The following FLRT1 variants were observed in gnomAD, a reference collection of about 807,000 sequenced individuals.
FLRT1 encodes fibronectin leucine rich transmembrane protein 1, also known as leucine-rich repeat transmembrane protein FLRT1.
FLRT1 carries 14 observed loss-of-function variants against 30.9 expected under a neutral mutation model. The observed-to-expected ratio is 0.45, with a 90% CI of 0.30 to 0.71. FLRT1 has a LOEUF of 0.71. Ranked by LOEUF, FLRT1 falls within the 30% of genes least tolerant of loss-of-function variation. The pLI, the probability that FLRT1 is intolerant of heterozygous loss-of-function variation, is 0.08. For missense variants in FLRT1, 737 were observed against 949.2 expected (o/e 0.78, Z 2.94); for synonymous variants, 368 against 430.4 (o/e 0.85, Z 1.80).
At chr11:64,105,028 A>T (rs943367781) in intron 2 of FLRT1, among the ~76,000 whole-genome samples, 17 of 152,372 alleles carry the variant, frequency 1.1e-4, no homozygotes, top group Non-Finnish European at 2.2e-4. Flanking sequence ...GGGTTGATTT[A>T]TGATTGCACC....
intron 1 of FLRT1, among the ~76,000 whole-genome samples, chr11:64,041,503 T>A (rs1256686018): frequency 6.7e-6 from 1 of 150,328 alleles, no homozygotes; most frequent in African/African-American, 2.4e-5. Context: ...CCGGGGCTGC[T>A]CTGGAGGGTG....
chr11:64,053,231 T>C (rs1299197507), intron 1 of FLRT1, among the ~76,000 whole-genome samples: 1 of 152,136 alleles, frequency 6.6e-6, no homozygotes, highest in Non-Finnish European at 1.5e-5. Context: ...CTCCCCTCTT[T>C]AGCTGCTAGG....
At chr11:64,091,926 T>C (rs1364069441) in intron 1 of FLRT1, among the ~76,000 whole-genome samples, 1 of 152,150 alleles carries the variant, frequency 6.6e-6, no homozygotes, top group Non-Finnish European at 1.5e-5. Flanking sequence ...GGCCTCTCTC[T>C]GGGGCTGCAG....
At chr11:64,045,092 T>G (rs1943558925) in intron 1 of FLRT1, among the ~76,000 whole-genome samples, 1 of 152,174 alleles carries the variant, frequency 6.6e-6, no homozygotes, top group Non-Finnish European at 1.5e-5. Context: ...GGGGGAGCAG[T>G]CCGGGTGCAT....
intron 1 of FLRT1, among the ~76,000 whole-genome samples, chr11:64,059,387 C>G (rs1192398022): frequency 6.6e-6 from 1 of 152,164 alleles, no homozygotes; most frequent in East Asian, 1.9e-4. Flanking sequence ...AGCAGGCTGC[C>G]CTGCTCCCTG....
At chr11:64,088,426 C>T (rs575334224) in intron 1 of FLRT1, among the ~76,000 whole-genome samples, 55 of 152,292 alleles carry the variant, frequency 3.6e-4, no homozygotes, top group African/African-American at 1.3e-3. Flanking sequence ...AGCATCCTCC[C>T]TGTGAGCCCT....
At chr11:64,081,400 G>A (rs926355167) in intron 1 of FLRT1, among the ~76,000 whole-genome samples, 2 of 152,148 alleles carry the variant, frequency 1.3e-5, no homozygotes, top group African/African-American at 2.4e-5. Context: ...GCTCAGGGAC[G>A]TTACAACAGC....
At chr11:64,107,408 G>T (rs1471816655) in intron 2 of FLRT1, among the ~76,000 whole-genome samples, 1 of 140,468 alleles carries the variant, frequency 7.1e-6, no homozygotes, top group Non-Finnish European at 1.5e-5. Context: ...AACTTCCTAA[G>T]ACACAATTCT....
rs1053259016 is a variant in FLRT1, at chr11:64,090,825, C to T, written c.-1037-12369C>T. 1.3e-5 allele frequency among the ~76,000 whole-genome samples: 2 copies of T among 152,014 alleles called. No individual in the cohort carries two copies. The highest frequency in any genetic ancestry group is 2.9e-5 in the Non-Finnish European group (2 of 68,004). On this transcript the variant is annotated intron_variant, in intron 1 of 2. Transcript: ENST00000682287. This position sits in a 1 kb window ranked among gnomAD's most constrained non-coding sequence, Gnocchi z 4.7. ...TCTCTGGGGCTCTGCAGAAGCAGAG[C>T]CCGAGTCGGGTCCAGCCCTGCACTC... is the stretch of plus-strand genomic sequence containing the variant.
chr11:64,061,236 T>C (rs550433568), intron 1 of FLRT1, among the ~76,000 whole-genome samples: 4 of 152,354 alleles, frequency 2.6e-5, no homozygotes, highest in African/African-American at 9.6e-5. Context: ...TTTGGAGTAA[T>C]CTGGCGATCA....
intron 1 of FLRT1, among the ~76,000 whole-genome samples, chr11:64,070,804 C>T (rs917053268): frequency 2.6e-5 from 4 of 152,132 alleles, no homozygotes; most frequent in Admixed American, 6.5e-5. Flanking sequence ...GGAGACGAGG[C>T]GTGAACAATA....
At chr11:64,085,466 G>C (rs1490361168) in intron 1 of FLRT1, among the ~76,000 whole-genome samples, 2 of 152,256 alleles carry the variant, frequency 1.3e-5, no homozygotes, top group Non-Finnish European at 2.9e-5. Context: ...GCCGGGACCA[G>C]GCCATGTGTC....
In FLRT1 at chr11:64,118,549, G is replaced by C; in HGVS notation, c.*257G>C. The C allele has an allele frequency of 4.6e-6, 2 of 432,466 alleles. No individual in the cohort carries two copies. Among genetic ancestry groups the C allele is most frequent in the South Asian group, 1.4e-4 (2 of 14,310 alleles). The allele number at this position is 432,466 out of a possible 1,614,324, so 26.8% of individuals were successfully genotyped here. On this transcript the variant is annotated 3_prime_UTR_variant, in exon 3 of 3. Coordinates refer to ENST00000682287, the MANE Select transcript of FLRT1 (RefSeq NM_013280.5). ...AATTTATACCAAGTTATGCCAGTTG[G>C]GGAGGGAAGGACTAAAAATAATATT...
chr11:64,094,494 A>G (rs1944542848), intron 1 of FLRT1, among the ~76,000 whole-genome samples: 1 of 151,948 alleles, frequency 6.6e-6, no homozygotes, highest in Admixed American at 6.5e-5. Context: ...GGGTCAGGGA[A>G]GCTTCCTGGA....
chr11:64,080,485 A>G (rs1302604293), intron 1 of FLRT1, among the ~76,000 whole-genome samples: 1 of 152,150 alleles, frequency 6.6e-6, no homozygotes, highest in Non-Finnish European at 1.5e-5. Flanking sequence ...TTCATCCCCT[A>G]AAAAGAAGCC....
chr11:64,098,199 C>G (rs565507356), intron 1 of FLRT1, among the ~76,000 whole-genome samples: 1 of 152,328 alleles, frequency 6.6e-6, no homozygotes, highest in Non-Finnish European at 1.5e-5. Flanking sequence ...GGCACCCTCA[C>G]AGCCTCCCCC....
chr11:64,045,914 C>G (rs942365182), intron 1 of FLRT1, among the ~76,000 whole-genome samples: 1 of 152,142 alleles, frequency 6.6e-6, no homozygotes, highest in Non-Finnish European at 1.5e-5. Flanking sequence ...TAGCGAGACC[C>G]CATCTCTTAA....
At chr11:64,055,786 A>G (rs1341427583) in intron 1 of FLRT1, among the ~76,000 whole-genome samples, 1 of 152,070 alleles carries the variant, frequency 6.6e-6, no homozygotes. Context: ...CCCCTTTCAT[A>G]CAGAGGATGC....
intron 1 of FLRT1, among the ~76,000 whole-genome samples, chr11:64,060,183 A>G (rs1943872308): frequency 6.6e-6 from 1 of 152,270 alleles, no homozygotes; most frequent in Non-Finnish European, 1.5e-5. Context: ...CGGTGCCAGC[A>G]TCTGCCCAGC....
Sources: allele counts gnomAD v4.1 joint callset (sites outside exome capture counted in the v4.1 genomes callset), GRCh38; gene constraint gnomAD v4.1.1; non-coding constraint Gnocchi (gnomAD v3.1); transcripts MANE v1.5; gene names NCBI Gene and HGNC (gene_info 2026-07-23, HGNC 2026-07-21).